The following NKAIN2 variants were observed in gnomAD, a reference collection of about 807,000 sequenced individuals.
NKAIN2 encodes sodium/potassium-transporting ATPase subunit beta-1-interacting protein 2.
NKAIN2 carries 14 observed loss-of-function variants against 32.6 expected under a neutral mutation model. The ratio of observed to expected loss-of-function variants is 0.43; its 90% CI spans 0.28 to 0.67. The LOEUF is 0.67. NKAIN2 is among the 30% of genes least tolerant of loss of function. The pLI, the probability that NKAIN2 is intolerant of heterozygous loss-of-function variation, is 0.17. For missense variants in NKAIN2, 198 were observed against 258.3 expected (o/e 0.77, Z 1.60); for synonymous variants, 80 against 87.2 (o/e 0.92, Z 0.46).
rs116265106 is a variant in NKAIN2 at position 124,284,406 on chromosome 6, A to T, written c.192+1264A>T. On this transcript the variant is annotated intron_variant, in intron 2 of 6. Transcript: ENST00000368417. ...GATAACTTCACCTCACCAATCTTTA[A>T]TTTTCTTATCTTTAAAATGAAAGTA... Among the ~76,000 whole-genome samples, 663 of 152,166 alleles carry T rather than the reference A, an allele frequency of 4.4e-3. 7 individuals carry two copies. The highest frequency in any genetic ancestry group is 0.015 in the African/African-American group (641 of 41,516).
intron 3 of NKAIN2, among the ~76,000 whole-genome samples, chr6:124,625,236 C>A (rs1250032434): frequency 6.6e-6 from 1 of 151,988 alleles, no homozygotes; most frequent in African/African-American, 2.4e-5. Flanking sequence ...TTTCCTTTTT[C>A]CCTGGGACAT....
At chr6:124,303,613 C>T (rs1290641639) in intron 2 of NKAIN2, among the ~76,000 whole-genome samples, 1 of 152,228 alleles carries the variant, frequency 6.6e-6, no homozygotes, top group Non-Finnish European at 1.5e-5. Flanking sequence ...AGTAAGGAAG[C>T]ATTGCTGGGA....
intron 1 of NKAIN2, among the ~76,000 whole-genome samples, chr6:123,873,648 A>G (rs1455943812): frequency 6.6e-6 from 1 of 152,176 alleles, no homozygotes; most frequent in East Asian, 1.9e-4. Context: ...GCAGATTCTG[A>G]AAATTATGTG....
intron 1 of NKAIN2, among the ~76,000 whole-genome samples, chr6:124,026,663 C>G (rs1781126496): frequency 6.6e-6 from 1 of 152,178 alleles, no homozygotes; most frequent in South Asian, 2.1e-4. Flanking sequence ...CACAGTTGTT[C>G]TTGACCTTGT....
At chr6:124,666,453 A>C (rs1772800048) in intron 4 of NKAIN2, among the ~76,000 whole-genome samples, 1 of 152,124 alleles carries the variant, frequency 6.6e-6, no homozygotes, top group South Asian at 2.1e-4. Context: ...ATTATTACTG[A>C]ATAGTAAGAA....
At chr6:124,414,173 T>A (rs1398698227) in intron 3 of NKAIN2, among the ~76,000 whole-genome samples, 1 of 152,158 alleles carries the variant, frequency 6.6e-6, no homozygotes, top group Non-Finnish European at 1.5e-5. Context: ...AAATTTTTGG[T>A]AAATGCTCTT....
At chr6:124,706,318 G>A (rs916477131) in intron 4 of NKAIN2, among the ~76,000 whole-genome samples, 1 of 152,026 alleles carries the variant, frequency 6.6e-6, no homozygotes, top group African/African-American at 2.4e-5. Context: ...CCTTAGGCAG[G>A]TCCTTAGCCA....
At chr6:124,672,537 C>A (rs1015535287) in intron 4 of NKAIN2, among the ~76,000 whole-genome samples, 1 of 151,952 alleles carries the variant, frequency 6.6e-6, no homozygotes, top group South Asian at 2.1e-4. Flanking sequence ...TTCCAAAGAA[C>A]AAAAGAGGAC....
chr6:124,450,498 A>T (rs188348100), intron 3 of NKAIN2, among the ~76,000 whole-genome samples: 1 of 151,966 alleles, frequency 6.6e-6, no homozygotes, highest in Non-Finnish European at 1.5e-5. Flanking sequence ...CAACACTGCC[A>T]TAATAATACT....
chr6:124,785,249 C>T (rs1346450020), intron 4 of NKAIN2, among the ~76,000 whole-genome samples: 1 of 152,050 alleles, frequency 6.6e-6, no homozygotes, highest in African/African-American at 2.4e-5. Context: ...TTTGGTTCTT[C>T]CTTATATATT....
At chr6:124,410,309 C>T (rs529635008) in intron 3 of NKAIN2, among the ~76,000 whole-genome samples, 5 of 152,110 alleles carry the variant, frequency 3.3e-5, no homozygotes, top group East Asian at 3.9e-4. Context: ...TAGATCTTTC[C>T]TCCTTTCTCT....
At chr6:124,501,230 C>T (rs77019955) in intron 3 of NKAIN2, among the ~76,000 whole-genome samples, 2,172 of 152,122 alleles carry the variant, frequency 0.014, 48 homozygotes, top group African/African-American at 0.049. Context: ...GATCACACTC[C>T]ACTTCCATGA....
intron 1 of NKAIN2, among the ~76,000 whole-genome samples, chr6:124,185,223 G>A (rs527925666): frequency 8.5e-4 from 129 of 151,992 alleles, no homozygotes; most frequent in African/African-American, 2.7e-3. Context: ...TATTATTATC[G>A]TACAGTAGTT....
intron 1 of NKAIN2, among the ~76,000 whole-genome samples, chr6:123,900,532 G>GGTTTTTTTTTTTTT (rs1774516637): frequency 1.2e-4 from 4 of 32,764 alleles, no homozygotes; most frequent in Admixed American, 6.3e-4. Context: ...CTCCAGATTA[G>GGTTTTTTTTTTTTT]TTTTTTTTTT....
chr6:124,166,710 G>A (rs1395842985), intron 1 of NKAIN2, among the ~76,000 whole-genome samples: 1 of 151,772 alleles, frequency 6.6e-6, no homozygotes, highest in African/African-American at 2.4e-5. Context: ...TGTAAGGAAG[G>A]GATCCAGTTT....
intron 1 of NKAIN2, among the ~76,000 whole-genome samples, chr6:123,874,975 G>A (rs1385234647): frequency 6.6e-6 from 1 of 151,920 alleles, no homozygotes; most frequent in Non-Finnish European, 1.5e-5. Context: ...AAACTATATA[G>A]AGATTTTAAT....
intron 1 of NKAIN2, among the ~76,000 whole-genome samples, chr6:124,145,487 CT>C (rs927552528): frequency 5.1e-5 from 7 of 137,742 alleles, no homozygotes; most frequent in Non-Finnish European, 1.2e-4. Context: ...AACTGACAAA[CT>C]TTTTTTGTTT....
At chr6:124,244,009 C>T (rs1411079935) in intron 1 of NKAIN2, among the ~76,000 whole-genome samples, 3 of 151,690 alleles carry the variant, frequency 2.0e-5, no homozygotes, top group Non-Finnish European at 4.4e-5. Context: ...ACATCAGTTT[C>T]CTTGAGAAAA....
At chr6:124,433,514 G>A (rs1422428885) in intron 3 of NKAIN2, among the ~76,000 whole-genome samples, 2 of 152,142 alleles carry the variant, frequency 1.3e-5, no homozygotes, top group African/African-American at 4.8e-5. Flanking sequence ...AGTGATTTAT[G>A]CTCAATTTTT....
Sources: gnomAD v4.1 joint callset for allele counts (sites outside exome capture counted in the v4.1 genomes callset) on GRCh38, gnomAD v4.1.1 for gene constraint, MANE v1.5 for transcripts, NCBI Gene and HGNC (gene_info 2026-07-23, HGNC 2026-07-21) for gene names.